Variants in UTP20 observed in about 807,000 individuals in gnomAD.
UTP20 encodes small subunit processome component 20 homolog.
In UTP20, 164 loss-of-function variants were observed where a neutral mutation model predicts 329.5. That is an observed-to-expected ratio of 0.50 (90% CI 0.44 to 0.57). The LOEUF (loss-of-function observed/expected upper bound fraction) is 0.57. Among genes scored for constraint, UTP20 ranks in the 20% least tolerant of loss-of-function variants. The probability of loss-of-function intolerance (pLI) is 0.00; values close to 1 mark genes in which losing one functional copy is unlikely to be tolerated. For synonymous variants in UTP20, 1,151 were observed against 1,159.3 expected, an observed-to-expected ratio of 0.99 and a Z score of 0.14; for missense variants, 3,055 against 3,284.2, an observed-to-expected ratio of 0.93 and a Z score of 1.71.
At chr12:101,370,916 T>G (rs1437754750) in intron 50 of UTP20, 142 bp from the exon 51 acceptor site, 2 of 686,452 alleles carry the variant, frequency 2.9e-6, no homozygotes, top group African/African-American at 3.6e-5. Flanking sequence ...GTGTTCTTTG[T>G]GCTTAAGTGT....
chr12:101,363,695 G>A lies in UTP20; in HGVS notation c.5910G>A (p.Lys1970=), dbSNP rs200320188. ...ACGACTCTTATGAAATCCTCGGCAA[G>A]TTTGTAGGAAAAGATCAGGTTACAA... The part of the protein sequence containing the change: ...KSYDSYEILG[K]FVGKDQVTKL... Residue 1970 remains lysine, a synonymous_variant, in exon 45 of 62, where the codon AAG becomes AAA. Coordinates refer to ENST00000261637, the MANE Select transcript of UTP20 (RefSeq NM_014503.3). The A allele has an allele frequency of 2.5e-5, 40 of 1,612,816 alleles. No homozygotes were observed. The East Asian group carries it at 5.1e-4, about 21-fold the overall frequency.
In UTP20 at chr12:101,311,701, A is replaced by ATT. The variant is rs751894834; in HGVS notation, c.2232-9_2232-8dup. On this transcript the variant is annotated splice_polypyrimidine_tract_variant and intron_variant, in intron 19 of 61. Coordinates refer to ENST00000261637, the MANE Select transcript of UTP20 (RefSeq NM_014503.3). ...GCCATACCACACTTTTTATTTTGTGATTTTTTTTTTCCCTTAGTTCTCATG... is the reference window on the plus strand; with the variant it reads ...GCCATACCACACTTTTTATTTTGTGATTTTTTTTTTTTCCCTTAGTTCTCATG... The ATT allele has an allele frequency of 3.4e-6, 5 of 1,468,780 alleles. No homozygotes were observed. Among genetic ancestry groups the ATT allele is most frequent in the Admixed American group, 3.9e-5 (2 of 51,236 alleles). The allele number at this position is 1,468,780 out of a possible 1,614,324, so 91.0% of individuals were successfully genotyped here.
chr12:101,346,112 C>T (rs1250113964), intron 37 of UTP20, among the ~76,000 whole-genome samples: 2 of 151,844 alleles, frequency 1.3e-5, no homozygotes, highest in Admixed American at 6.6e-5. Context: ...AGTGCAATGG[C>T]GCAATCTCAG....
chr12:101,315,384 T>G (rs1872940850), intron 21 of UTP20, among the ~76,000 whole-genome samples: 1 of 151,686 alleles, frequency 6.6e-6, no homozygotes, highest in South Asian at 2.1e-4. Context: ...CTCAGGAGGC[T>G]GAGGCAGAAG....
intron 27 of UTP20, among the ~76,000 whole-genome samples, chr12:101,332,942 A>G (rs973126925): frequency 1.3e-5 from 2 of 152,218 alleles, no homozygotes; most frequent in Non-Finnish European, 2.9e-5. Flanking sequence ...TTTTAAAAAA[A>G]AGTTTTGCTT....
Position 101,319,537 on chromosome 12 carries a change from T to C in UTP20, c.2739-8T>C. 1 of 1,592,124 alleles carries C rather than the reference T, an allele frequency of 6.3e-7. No homozygotes were observed. Among genetic ancestry groups the C allele is most frequent in the Non-Finnish European group, 8.5e-7 (1 of 1,174,318 alleles). ...TTCTGTAACACTCTCTGTTTTGTTT[T>C]TGTTTAGGCAATTAATTGCTCATTT... is the stretch of plus-strand genomic sequence containing the variant. On this transcript the variant is annotated splice_region_variant and splice_polypyrimidine_tract_variant and intron_variant, in intron 22 of 61. Transcript: ENST00000261637.
chr12:101,372,990 G>T (rs928514093), intron 52 of UTP20, 27 bp downstream of exon 52: 1 of 1,586,328 alleles, frequency 6.3e-7, no homozygotes, highest in Non-Finnish European at 8.7e-7. Context: ...AACTACACAG[G>T]GGCGGAGGGT....
chr12:101,291,665 G>T, intron 8 of UTP20, 77 bp from the exon 9 acceptor site: 1 of 1,422,472 alleles, frequency 7.0e-7, no homozygotes, highest in East Asian at 2.4e-5. Flanking sequence ...AAGTTGAACT[G>T]TCCCACAGTT....
At position 101,312,416 on chromosome 12, in the gene UTP20, A is replaced by AT. The variant is rs1872822242; in HGVS notation, c.2552+146dup. 6.3e-6 allele frequency: 8 copies of AT among 1,264,768 alleles called. 1 individual carries two copies. Among genetic ancestry groups the AT allele is most frequent in the South Asian group, 6.2e-5 (4 of 64,712 alleles). 78.3% of individuals were successfully genotyped at this position (1,264,768 alleles called of 1,614,324 possible). A position where few individuals can be genotyped will look rare whatever the true frequency, so the allele number is the denominator to read the frequency against. On this transcript the variant is annotated intron_variant, in intron 21 of 61. Transcript: ENST00000261637. Reference sequence around the variant, plus strand: ...TTCCAATCATCCATTAGGCTGAGGTATTTTTTGTTTGTTTGTTTTTGTTTT... The same window carrying AT: ...TTCCAATCATCCATTAGGCTGAGGTATTTTTTTGTTTGTTTGTTTTTGTTTT...
intron 6 of UTP20, chr12:101,289,885 G>C (rs746785123): frequency 4.7e-6 from 1 of 212,748 alleles, no homozygotes; most frequent in Non-Finnish European, 9.2e-6. Flanking sequence ...TTAAAAGATA[G>C]AATGTTGACT....
intron 35 of UTP20, 127 bp downstream of exon 35, chr12:101,343,220 T>G (rs1254212569): frequency 1.7e-6 from 1 of 585,836 alleles, no homozygotes; most frequent in East Asian, 3.1e-5. Flanking sequence ...ATTAAATTTC[T>G]TTTAGATGAA....
Position 101,320,869 on chromosome 12 carries a change from T to C in UTP20, c.2847T>C (p.Asp949=). ...GTTCTTAGTTGTTGCTACACCAAGA[T>C]CAAATGGTGCAAAAAATAACCTTGG... ...ELYLQLLLHQ[D]QMVQKITLDC... is the part of the protein sequence containing the mutation. Residue 949 remains aspartate, a synonymous_variant, in exon 24 of 62, where the codon GAT becomes GAC. Transcript: ENST00000261637. 1 of 1,612,160 alleles carries C rather than the reference T, an allele frequency of 6.2e-7. No individual in the cohort carries two copies. Among genetic ancestry groups the C allele is most frequent in the Non-Finnish European group, 8.5e-7 (1 of 1,179,660 alleles).
chr12:101,295,690 G>C, intron 12 of UTP20, 32 bp downstream of exon 12: 1 of 1,552,540 alleles, frequency 6.4e-7, no homozygotes, highest in Non-Finnish European at 8.7e-7. Context: ...CTGTAATGAT[G>C]ATAAGTTTAC....
At chr12:101,317,989 C>T (rs771841350) in intron 22 of UTP20, among the ~76,000 whole-genome samples, 7 of 152,108 alleles carry the variant, frequency 4.6e-5, no homozygotes, top group Non-Finnish European at 1.0e-4. Context: ...ACTTTCCCAG[C>T]GTGAGGGTAT....
In UTP20 at chr12:101,383,330, G is replaced by T; in HGVS notation, c.7929+17G>T. 2 of 1,604,234 alleles carry T rather than the reference G, an allele frequency of 1.2e-6. No individual in the cohort carries two copies. Among genetic ancestry groups the T allele is most frequent in the Non-Finnish European group, 1.7e-6 (2 of 1,173,766 alleles). ...CCCTTAAAGGTGCGATGAATGCACA[G>T]AATGACTGACAGTAGTCATTTCTCT... On this transcript the variant is annotated intron_variant, in intron 59 of 61. Coordinates refer to ENST00000261637, the MANE Select transcript of UTP20 (RefSeq NM_014503.3).
At position 101,317,538 on chromosome 12, in the gene UTP20, C is replaced by T; in HGVS notation, c.2613C>T (p.Gly871=). The change falls in exon 22 of 62, where the codon GGC becomes GGT. Residue 871 remains glycine, a synonymous_variant. Transcript: ENST00000261637. ...CAACCCAGGATCTACGGAGAAAAGGCAAAGGGATGGTGGCAGAGGAAATCG... is the reference window on the plus strand; with the variant it reads ...CAACCCAGGATCTACGGAGAAAAGGTAAAGGGATGGTGGCAGAGGAAATCG... ...VAPTQDLRRK[G]KGMVAEEIEE... is the part of the protein sequence containing the mutation. 1 of 1,614,068 alleles carries T rather than the reference C, an allele frequency of 6.2e-7. No homozygotes were observed. The highest frequency in any genetic ancestry group is 2.2e-5 in the East Asian group (1 of 44,884).
Position 101,312,276 on chromosome 12 carries a change from A to T in UTP20, c.2552A>T (p.Asn851Ile), listed in dbSNP as rs141236784. The change falls in exon 21 of 62, where the codon AAC becomes ATC. Residue 851 changes from asparagine to isoleucine, a missense_variant and splice_region_variant. By Grantham distance (149) the Asn-to-Ile change is moderately radical. Transcript: ENST00000261637. The part of the protein sequence containing the change: ...ELSPLFLRFI[N>I]NEYYPADLQV... The stretch of plus-strand genomic sequence containing the variant: ...TCCCCGCTTTTCTTGAGATTTATCA[A>T]GTAAGTTTCCTCTTCTAAGAATATG... 2.5e-5 allele frequency: 41 copies of T among 1,613,692 alleles called. No individual in the cohort carries two copies. Among genetic ancestry groups the T allele is most frequent in the Middle Eastern group, 1.6e-4 (1 of 6,078 alleles).
At chr12:101,340,762 TA>T in intron 32 of UTP20, 152 bp downstream of exon 32, 1 of 585,818 alleles carries the variant, frequency 1.7e-6, no homozygotes, top group Non-Finnish European at 3.0e-6. Flanking sequence ...AAATTAGAAA[TA>T]GAGGGAAAAG....
intron 12 of UTP20, among the ~76,000 whole-genome samples, chr12:101,296,310 G>A (rs920135445): frequency 5.3e-5 from 8 of 152,112 alleles, no homozygotes; most frequent in East Asian, 1.9e-4. Flanking sequence ...GGTGGCTCAC[G>A]CCTGTAATCC....
Sources: gnomAD v4.1 joint callset for allele counts (sites outside exome capture counted in the v4.1 genomes callset) on GRCh38, gnomAD v4.1.1 for gene constraint, MANE v1.5 for transcripts, NCBI Gene and HGNC (gene_info 2026-07-23, HGNC 2026-07-21) for gene names.